Variants in DAO observed in about 807,000 individuals in gnomAD.
The protein encoded by DAO is D-amino-acid oxidase.
A neutral mutation model predicts 50.1 loss-of-function variants in DAO; 51 were observed. The observed-to-expected ratio is 1.02, with a 90% CI of 0.81 to 1.29. The LOEUF is 1.29. DAO is among the 50% of genes most tolerant of loss of function. The pLI, the probability that DAO is intolerant of heterozygous loss-of-function variation, is 0.00. For synonymous variants in DAO, 160 were observed against 166.2 expected, an observed-to-expected ratio of 0.96 and a Z score of 0.29; for missense variants, 436 against 439.4, an observed-to-expected ratio of 0.99 and a Z score of 0.07.
intron 1 of DAO, among the ~76,000 whole-genome samples, chr12:108,881,316 A>T (rs911586966): frequency 2.0e-5 from 3 of 152,030 alleles, no homozygotes; most frequent in Non-Finnish European, 2.9e-5. Context: ...CAGCAACAAC[A>T]CGAAAATGTC....
chr12:108,881,282 G>A (rs2039374983), intron 1 of DAO, among the ~76,000 whole-genome samples: 1 of 150,534 alleles, frequency 6.6e-6, no homozygotes, highest in East Asian at 2.0e-4. Flanking sequence ...AAACAGAGGA[G>A]AACGGCAACA....
chr12:108,896,897 A>G (rs973865983), intron 7 of DAO, 109 bp from the exon 8 acceptor site: 7 of 828,088 alleles, frequency 8.5e-6, no homozygotes, highest in Non-Finnish European at 1.5e-5. Flanking sequence ...GAGGTCTTAT[A>G]AGGAATCAGC....
rs1001874850 is a variant in DAO at position 108,885,231 on chromosome 12, G to A, written c.194+31G>A. On this transcript the variant is annotated intron_variant, in intron 2 of 10. Transcript: ENST00000228476. The stretch of plus-strand genomic sequence containing the variant: ...TGAGGGTCACATAGGGTAGCCTGGG[G>A]TGCCCATGGACCTAAGTCTGCAGAG... 4 of 1,601,798 alleles carry A rather than the reference G, an allele frequency of 2.5e-6. No homozygotes were observed. In the African/African-American group the frequency reaches 4.0e-5, roughly 16 times the overall value.
At chr12:108,889,019 T>A (rs547421964) in intron 3 of DAO, among the ~76,000 whole-genome samples, 1 of 152,338 alleles carries the variant, frequency 6.6e-6, no homozygotes, top group East Asian at 1.9e-4. Flanking sequence ...CCCCAATGGC[T>A]TCTTGTGAAG....
chr12:108,880,248 G>T (rs1246140062), intron 1 of DAO, 24 bp downstream of exon 1: 1 of 418,140 alleles, frequency 2.4e-6, no homozygotes, highest in Non-Finnish European at 4.9e-6. Flanking sequence ...GCACCTTTGA[G>T]CTGGGGACAG....
chr12:108,893,179 G>A (rs897675930), intron 6 of DAO, 143 bp downstream of exon 6: 4 of 728,572 alleles, frequency 5.5e-6, no homozygotes, highest in Non-Finnish European at 9.8e-6. Flanking sequence ...AAGCACTCAG[G>A]TATTCTGAAG....
intron 2 of DAO, among the ~76,000 whole-genome samples, chr12:108,886,081 T>C (rs2039433462): frequency 6.6e-6 from 1 of 150,690 alleles, no homozygotes. Flanking sequence ...AGAGATAGGG[T>C]CTCACTATGT....
At chr12:108,896,958 A>G (rs1480995036) in intron 7 of DAO, 48 bp from the exon 8 acceptor site, 5 of 1,426,138 alleles carry the variant, frequency 3.5e-6, no homozygotes, top group Non-Finnish European at 5.0e-6. Flanking sequence ...AAGGGCAGCC[A>G]CATTGACTCA....
chr12:108,883,943 C>T (rs1035782021), intron 1 of DAO, among the ~76,000 whole-genome samples: 15 of 152,342 alleles, frequency 9.8e-5, no homozygotes, highest in South Asian at 4.1e-4. Context: ...CTGAGGTCTG[C>T]GGGAGGAGAG....
rs966704829 is a variant in DAO, at chr12:108,900,712, C to T, written c.*177C>T. Reference sequence around the variant, plus strand: ...GAAGGGTTCAGCCCAACATGGGGCCCCTCTCATCACTGAAATCCCTCTACC... The same window carrying T: ...GAAGGGTTCAGCCCAACATGGGGCCTCTCTCATCACTGAAATCCCTCTACC... On this transcript the variant is annotated 3_prime_UTR_variant, in exon 11 of 11. Coordinates refer to ENST00000228476, the MANE Select transcript of DAO (RefSeq NM_001917.5). The T allele has an allele frequency of 2.1e-5, 15 of 723,296 alleles. No individual in the cohort carries two copies. The highest frequency in any genetic ancestry group is 5.3e-5 in the Admixed American group (2 of 37,536). The allele number at this position is 723,296 out of a possible 1,614,324, so 44.8% of individuals were successfully genotyped here.
rs117836209 is a variant in DAO at position 108,897,685 on chromosome 12, C to T, written c.695+597C>T. On this transcript the variant is annotated intron_variant, in intron 8 of 10. Transcript: ENST00000228476. ...CTAAAAGTGGTATGTAGGTGGCTCA[C>T]GCCTGTAATCCCAGCACTTTGCGAG... Among the ~76,000 whole-genome samples, 656 of 152,114 alleles carry T rather than the reference C, an allele frequency of 4.3e-3. 2 individuals carry two copies. The highest frequency in any genetic ancestry group is 6.8e-3 in the Non-Finnish European group (463 of 67,986).
chr12:108,887,376 C>T (rs2137345244), intron 2 of DAO, 74 bp from the exon 3 acceptor site: 2 of 1,052,654 alleles, frequency 1.9e-6, no homozygotes, highest in Non-Finnish European at 1.5e-6. Flanking sequence ...ATGCCACAGC[C>T]CCATGCCAGC....
In DAO at chr12:108,900,562, C is replaced by A. The variant is rs3741773; in HGVS notation, c.*27C>A. The A allele has an allele frequency of 1.2e-5, 19 of 1,612,720 alleles. No individual in the cohort carries two copies. The highest frequency in any genetic ancestry group is 4.4e-5 in the South Asian group (4 of 90,918). On this transcript the variant is annotated 3_prime_UTR_variant, in exon 11 of 11. Coordinates refer to ENST00000228476, the MANE Select transcript of DAO (RefSeq NM_001917.5). ...GACTCCAGTGACTGCTGCCTCCCCC[C>A]ACAAGAACTCCCTTCTCCCCTCAGC... is the stretch of plus-strand genomic sequence containing the variant.
intron 3 of DAO, among the ~76,000 whole-genome samples, chr12:108,889,068 C>A (rs1305358514): frequency 3.3e-5 from 5 of 151,960 alleles, no homozygotes; most frequent in African/African-American, 1.2e-4. Context: ...TGGAACAGTG[C>A]CTTATATGCA....
Position 108,892,977 on chromosome 12 carries a change from C to T in DAO, c.453-5C>T. 1 of 1,613,874 alleles carries T rather than the reference C, an allele frequency of 6.2e-7. No individual in the cohort carries two copies. On this transcript the variant is annotated splice_region_variant and splice_polypyrimidine_tract_variant and intron_variant, in intron 5 of 10. Coordinates refer to ENST00000228476, the MANE Select transcript of DAO (RefSeq NM_001917.5). ...TGGGCTTTTTGATGTGTTTGATCATCCCAGGTTAACTGAGAGGGGAGTGAA... is the reference window on the plus strand; with the variant it reads ...TGGGCTTTTTGATGTGTTTGATCATTCCAGGTTAACTGAGAGGGGAGTGAA...
chr12:108,894,501 G>GT lies in DAO; in HGVS notation c.612+135dup, dbSNP rs746851660. 158 of 770,334 alleles carry GT rather than the reference G, an allele frequency of 2.1e-4. 2 individuals are homozygous for GT. In the Middle Eastern group the frequency reaches 3.5e-3, roughly 17 times the overall value. The allele number at this position is 770,334 out of a possible 1,614,324, so 47.7% of individuals were successfully genotyped here. A position where few individuals can be genotyped will look rare whatever the true frequency, so the allele number is the denominator to read the frequency against. ...CCCCCGGACTGCAGGGAATTGACATGTAAAAAAAACAAACCTGTCCCACCC... is the reference window on the plus strand; with the variant it reads ...CCCCCGGACTGCAGGGAATTGACATGTTAAAAAAAACAAACCTGTCCCACCC... On this transcript the variant is annotated intron_variant, in intron 7 of 10. Coordinates refer to ENST00000228476, the MANE Select transcript of DAO (RefSeq NM_001917.5).
chr12:108,887,991 C>A (rs1353657787), intron 3 of DAO, among the ~76,000 whole-genome samples: 1 of 152,248 alleles, frequency 6.6e-6, no homozygotes, highest in Non-Finnish European at 1.5e-5. Context: ...AACTAATTTA[C>A]AGCTAGCGAC....
Position 108,898,712 on chromosome 12 carries a change from G to C in DAO, c.729G>C (p.Gln243His). 2 of 1,614,002 alleles carry C rather than the reference G, an allele frequency of 1.2e-6. No individual in the cohort carries two copies. The highest frequency in any genetic ancestry group is 8.5e-7 in the Non-Finnish European group (1 of 1,179,900). ...CAGTTACTCTTGGAGGCATCTTCCA[G>C]TTGGGAAACTGGAGTGAACTAAACA... Reference protein sequence around the residue: ...TQTVTLGGIFQLGNWSELNNI... With the variant: ...TQTVTLGGIFHLGNWSELNNI... The change falls in exon 9 of 11, where the codon CAG becomes CAC. Residue 243 changes from glutamine (Q) to histidine (H), a missense_variant. Physicochemically the swap from Gln to His is conservative, Grantham distance 24. Coordinates refer to ENST00000228476, the MANE Select transcript of DAO (RefSeq NM_001917.5).
In DAO at chr12:108,889,407, G is replaced by T; in HGVS notation, c.310-62G>T. On this transcript the variant is annotated intron_variant, in intron 3 of 10. Transcript: ENST00000228476. The stretch of plus-strand genomic sequence containing the variant: ...TTACAGGTGTGAGCCACCTCGCCTG[G>T]CCCATTATCATTATTATTGACTTCC... 3 of 1,171,778 alleles carry T rather than the reference G, an allele frequency of 2.6e-6. No individual in the cohort carries two copies. In the South Asian group the frequency reaches 3.7e-5, roughly 14 times the overall value. 72.6% of individuals were successfully genotyped at this position (1,171,778 alleles called of 1,614,324 possible).
Sources: gnomAD v4.1 joint callset for allele counts (sites outside exome capture counted in the v4.1 genomes callset) on GRCh38, gnomAD v4.1.1 for gene constraint, MANE v1.5 for transcripts, NCBI Gene and HGNC (gene_info 2026-07-23, HGNC 2026-07-21) for gene names.